DLGAP1: variants seen among roughly 807,000 people sequenced by gnomAD.
DLGAP1 encodes the protein DLG associated protein 1.
In DLGAP1, 11 loss-of-function variants were observed where a neutral mutation model predicts 90.8. The observed-to-expected ratio is 0.12, with a 90% CI of 0.08 to 0.20. The LOEUF is 0.20. DLGAP1 is among the 10% of genes least tolerant of loss of function. DLGAP1 has a pLI of 1.00. For missense variants in DLGAP1, 1,050 were observed against 1,333.8 expected, an observed-to-expected ratio of 0.79 and a Z score of 3.31; for synonymous variants, 558 against 540.7, an observed-to-expected ratio of 1.03 and a Z score of -0.44.
At chr18:3,883,519 C>T (rs558048576) in intron 3 of DLGAP1, among the ~76,000 whole-genome samples, 118 of 152,306 alleles carry the variant, frequency 7.7e-4, no homozygotes, top group Middle Eastern at 6.8e-3. Flanking sequence ...TAAATTGTGA[C>T]GTCCTTAAGG....
chr18:3,892,092 T>C (rs1460239496), intron 3 of DLGAP1: 1 of 147,024 alleles, frequency 6.8e-6, no homozygotes, highest in Non-Finnish European at 1.5e-5. Flanking sequence ...TAGGCCATAA[T>C]GACTGTTCTT....
chr18:3,779,482 C>G (rs2065088884), intron 5 of DLGAP1, among the ~76,000 whole-genome samples: 2 of 152,304 alleles, frequency 1.3e-5, no homozygotes, highest in Non-Finnish European at 2.9e-5. Flanking sequence ...TCGGATCATG[C>G]CTGAACACTC....
chr18:3,736,370 C>G (rs1417530319), intron 6 of DLGAP1, among the ~76,000 whole-genome samples: 1 of 152,074 alleles, frequency 6.6e-6, no homozygotes, highest in Non-Finnish European at 1.5e-5. Flanking sequence ...TTTTCCTTAT[C>G]ATCCAAGCAC....
chr18:3,514,149 C>T (rs979405877), intron 10 of DLGAP1, among the ~76,000 whole-genome samples: 2 of 151,850 alleles, frequency 1.3e-5, no homozygotes, highest in Non-Finnish European at 2.9e-5. Flanking sequence ...CTCTGTCACC[C>T]AGGCTGGAGT....
At chr18:3,937,116 G>A (rs955253523) in intron 3 of DLGAP1, among the ~76,000 whole-genome samples, 1 of 152,202 alleles carries the variant, frequency 6.6e-6, no homozygotes, top group African/African-American at 2.4e-5. Flanking sequence ...CAGGAAGGGA[G>A]GAGATTGCTG....
intron 7 of DLGAP1, among the ~76,000 whole-genome samples, chr18:3,672,517 C>T (rs546745715): frequency 1.9e-4 from 24 of 124,824 alleles, no homozygotes; most frequent in African/African-American, 4.4e-4. Flanking sequence ...GCAGAGGTTG[C>T]GGTGAGCCAA....
intron 2 of DLGAP1, among the ~76,000 whole-genome samples, chr18:4,049,773 A>T (rs2075105794): frequency 6.6e-6 from 1 of 151,976 alleles, no homozygotes; most frequent in African/African-American, 2.4e-5. Flanking sequence ...TTTACCCTTG[A>T]CTATCATCAT....
chr18:4,106,164 T>C (rs8088134), intron 2 of DLGAP1, among the ~76,000 whole-genome samples: 21,710 of 151,834 alleles, frequency 0.14, 1,619 homozygotes, highest in South Asian at 0.25. Flanking sequence ...AGACAATACA[T>C]GGCCAGGAAA....
intron 5 of DLGAP1, among the ~76,000 whole-genome samples, chr18:3,764,422 T>G (rs1332302060): frequency 7.5e-6 from 1 of 133,462 alleles, no homozygotes; most frequent in Non-Finnish European, 1.6e-5. Context: ...CTACATATGT[T>G]CCTATTGCCC....
chr18:3,952,920 C>G (rs2073017528), intron 3 of DLGAP1, among the ~76,000 whole-genome samples: 1 of 152,142 alleles, frequency 6.6e-6, no homozygotes. Context: ...GCCATTTTTC[C>G]TCTTAACTAC....
intron 7 of DLGAP1, among the ~76,000 whole-genome samples, chr18:3,620,090 C>A (rs1054221453): frequency 6.6e-6 from 1 of 152,106 alleles, no homozygotes; most frequent in Non-Finnish European, 1.5e-5. Context: ...AAAAAAAGGA[C>A]TTGGCAGATG....
intron 7 of DLGAP1, among the ~76,000 whole-genome samples, chr18:3,600,699 T>TATATATAGATATATAGAC: frequency 7.6e-6 from 1 of 131,018 alleles, no homozygotes; most frequent in Non-Finnish European, 1.6e-5. Flanking sequence ...TCTATATAGA[T>TATATATAGATATATAGAC]ATCTATAGCT....
intron 7 of DLGAP1, among the ~76,000 whole-genome samples, chr18:3,632,973 T>C (rs1293892767): frequency 6.6e-6 from 1 of 152,220 alleles, no homozygotes; most frequent in Non-Finnish European, 1.5e-5. Flanking sequence ...AATGACTACT[T>C]GCTCATCTTT....
At chr18:3,979,506 G>A (rs557539565) in intron 3 of DLGAP1, among the ~76,000 whole-genome samples, 9 of 152,258 alleles carry the variant, frequency 5.9e-5, no homozygotes, top group South Asian at 2.1e-4. Context: ...TTTGAAAAGC[G>A]TATCTCTTAG....
chr18:4,176,220 C>T (rs75184864), intron 1 of DLGAP1, among the ~76,000 whole-genome samples: 1 of 152,132 alleles, frequency 6.6e-6, no homozygotes, highest in South Asian at 2.1e-4. Context: ...TCATATAGGT[C>T]AGAAGTTTAC....
At chr18:3,880,874 C>A (rs953273423) in intron 3 of DLGAP1, among the ~76,000 whole-genome samples, 10 of 132,866 alleles carry the variant, frequency 7.5e-5, no homozygotes, top group African/African-American at 2.8e-4. Context: ...ACCTGGGAGG[C>A]GGAGCTTGCA....
At chr18:3,719,562 A>G (rs887891324) in intron 7 of DLGAP1, among the ~76,000 whole-genome samples, 2 of 150,406 alleles carry the variant, frequency 1.3e-5, no homozygotes, top group African/African-American at 2.4e-5. Context: ...GTCTCAAAAA[A>G]AAAAAAAAAA....
At chr18:3,584,394 C>T (rs1320953102) in intron 7 of DLGAP1, among the ~76,000 whole-genome samples, 1 of 151,836 alleles carries the variant, frequency 6.6e-6, no homozygotes, top group African/African-American at 2.4e-5. Flanking sequence ...GAATGAAATA[C>T]TTGCTTCAAC....
At chr18:4,079,691 A>AATATATATATAT (rs10597845) in intron 2 of DLGAP1, among the ~76,000 whole-genome samples, 69 of 146,598 alleles carry the variant, frequency 4.7e-4, no homozygotes, top group African/African-American at 1.7e-3. Flanking sequence ...ATTGAAATTA[A>AATATATATATAT]ATATATATAT....
Sources: gnomAD v4.1 joint callset for allele counts (sites outside exome capture counted in the v4.1 genomes callset) on GRCh38, gnomAD v4.1.1 for gene constraint, MANE v1.5 for transcripts, NCBI Gene and HGNC (gene_info 2026-07-23, HGNC 2026-07-21) for gene names.